TMEM120B: variants seen among roughly 807,000 people sequenced by gnomAD.
TMEM120B encodes transmembrane protein 120B.
Under a neutral mutation model 55.5 loss-of-function variants are expected in TMEM120B, and 31 were observed. The observed-to-expected ratio is 0.56, with a 90% confidence interval of 0.42 to 0.75. The LOEUF (loss-of-function observed/expected upper bound fraction) is 0.75, where lower values mean the gene tolerates loss of function less well. TMEM120B is among the 30% of genes least tolerant of loss of function. The pLI is 0.00. For missense variants in TMEM120B, 399 were observed against 425.5 expected, an observed-to-expected ratio of 0.94 and a Z score of 0.55; for synonymous variants, 203 against 176.3, an observed-to-expected ratio of 1.15 and a Z score of -1.20.
Position 121,780,651 on chromosome 12 carries a change from G to A in TMEM120B, c.*4929G>A, listed in dbSNP as rs1874416594. On this transcript the variant is annotated 3_prime_UTR_variant, in exon 12 of 12. Coordinates refer to ENST00000449592, the MANE Select transcript of TMEM120B (RefSeq NM_001080825.2). ...CCTCAGTTTCTCCCCCTGTAAACTG[G>A]GGGATGTGAACAGCGCCTGCCTCCG... 3 of 591,844 alleles carry A rather than the reference G, an allele frequency of 5.1e-6. No individual in the cohort carries two copies. Among genetic ancestry groups the A allele is most frequent in the Non-Finnish European group, 5.9e-6 (2 of 341,396 alleles). The allele number at this position is 591,844 out of a possible 1,614,324, so 36.7% of individuals were successfully genotyped here. A position where few individuals can be genotyped will look rare whatever the true frequency, so the allele number is the denominator to read the frequency against.
chr12:121,725,556 A>G (rs1409759175), intron 1 of TMEM120B, among the ~76,000 whole-genome samples: 1 of 152,142 alleles, frequency 6.6e-6, no homozygotes, highest in Non-Finnish European at 1.5e-5. Context: ...ATTATTCACG[A>G]TACAGTAACC....
intron 1 of TMEM120B, among the ~76,000 whole-genome samples, chr12:121,724,030 C>CTT (rs56972824): frequency 0.057 from 4,347 of 75,998 alleles, 229 homozygotes; most frequent in Non-Finnish European, 0.071. Flanking sequence ...TCAAGTGATC[C>CTT]TTTTTTTTTT....
At chr12:121,760,167 G>A (rs1873624857) in intron 5 of TMEM120B, among the ~76,000 whole-genome samples, 1 of 150,900 alleles carries the variant, frequency 6.6e-6, no homozygotes, top group Non-Finnish European at 1.5e-5. Flanking sequence ...GCTGGGTGTG[G>A]TGGAGCATGC....
intron 6 of TMEM120B, among the ~76,000 whole-genome samples, chr12:121,769,141 CTCAAAAAAAAAAAAAAAAG>C (rs1873942555): frequency 9.4e-6 from 1 of 106,394 alleles, no homozygotes; most frequent in Non-Finnish European, 1.8e-5. Flanking sequence ...GCAAGACTGT[CTCAAAAAAAAAAAAAAAAG>C]GCAAAAAAAA....
At chr12:121,726,308 A>G (rs1336416583) in intron 1 of TMEM120B, among the ~76,000 whole-genome samples, 3 of 151,744 alleles carry the variant, frequency 2.0e-5, no homozygotes, top group African/African-American at 2.4e-5. Context: ...GGCTGGGCGC[A>G]GTGGCTCACG....
chr12:121,733,552 T>C (rs1160762816), intron 1 of TMEM120B, among the ~76,000 whole-genome samples: 2 of 149,664 alleles, frequency 1.3e-5, no homozygotes, highest in Non-Finnish European at 3.0e-5. Context: ...TATTTTTTTT[T>C]TTTTTGAGAC....
chr12:121,730,934 G>A (rs1204979212), intron 1 of TMEM120B, among the ~76,000 whole-genome samples: 1 of 151,950 alleles, frequency 6.6e-6, no homozygotes, highest in African/African-American at 2.4e-5. Flanking sequence ...CTCCAGTCTG[G>A]GTAACAAGAG....
intron 7 of TMEM120B, 58 bp from the exon 8 acceptor site, chr12:121,771,430 G>T: frequency 6.9e-7 from 1 of 1,446,338 alleles, no homozygotes; most frequent in Non-Finnish European, 9.7e-7. Context: ...TTGGGGCGGG[G>T]AGGAATGTCT....
intron 1 of TMEM120B, among the ~76,000 whole-genome samples, chr12:121,735,851 C>T (rs945896444): frequency 4.6e-5 from 7 of 152,130 alleles, no homozygotes; most frequent in South Asian, 2.1e-4. Flanking sequence ...CCACCACACA[C>T]GGCTAATTTT....
chr12:121,728,588 G>A (rs1894941723), intron 1 of TMEM120B, among the ~76,000 whole-genome samples: 1 of 151,960 alleles, frequency 6.6e-6, no homozygotes, highest in Non-Finnish European at 1.5e-5. Context: ...CCAAAGTGCT[G>A]GGATTACAGG....
rs145137511 is a variant in TMEM120B at position 121,781,100 on chromosome 12, C to T, written c.*5378C>T. The T allele has an allele frequency of 1.6e-4, 262 of 1,614,074 alleles. No individual in the cohort carries two copies. The highest frequency in any genetic ancestry group is 2.0e-4 in the Non-Finnish European group (241 of 1,180,022). ...GGCCTCACCTTGATGAGGACGTTGT[C>T]GTAGCTGGTGGGATTCATGACGTCA... On this transcript the variant is annotated 3_prime_UTR_variant, in exon 12 of 12. Transcript: ENST00000449592.
At position 121,712,833 on chromosome 12, in the gene TMEM120B, G is replaced by GGGGGCCGGTCGGGCAGCGCTGC. The variant is rs1342316842; in HGVS notation, c.-59_-38dup. The GGGGGCCGGTCGGGCAGCGCTGC allele has an allele frequency of 8.7e-6, 11 of 1,268,918 alleles. No homozygotes were observed. The African/African-American group carries it at 1.7e-4, about 20-fold the overall frequency. 78.6% of individuals were successfully genotyped at this position (1,268,918 alleles called of 1,614,324 possible). A position where few individuals can be genotyped will look rare whatever the true frequency, so the allele number is the denominator to read the frequency against. On this transcript the variant is annotated 5_prime_UTR_variant, in exon 1 of 12. Coordinates refer to ENST00000449592, the MANE Select transcript of TMEM120B (RefSeq NM_001080825.2). The stretch of plus-strand genomic sequence containing the variant: ...GCGAGCGCGCGGGCGTGGGGCGCTG[G>GGGGGCCGGTCGGGCAGCGCTGC]GGGGCCGGTCGGGCAGCGCTGCGGG...
chr12:121,757,232 G>A lies in TMEM120B; in HGVS notation c.462-4417G>A, dbSNP rs182175325. On this transcript the variant is annotated intron_variant, in intron 5 of 11. Transcript: ENST00000449592. ...GCTGGAGTACAGTGGTGTGATCTCA[G>A]CTCACTGCAACCTCTGTCTCCTGGG... Among the ~76,000 whole-genome samples, 12 of 152,046 alleles carry A rather than the reference G, an allele frequency of 7.9e-5. No homozygotes were observed. The East Asian group carries it at 2.1e-3, about 27-fold the overall frequency.
At chr12:121,724,697 GCCT>G (rs1894859251) in intron 1 of TMEM120B, among the ~76,000 whole-genome samples, 1 of 150,564 alleles carries the variant, frequency 6.6e-6, no homozygotes, top group African/African-American at 2.4e-5. Flanking sequence ...TGCAAGCTCT[GCCT>G]CCCAGGTTCA....
intron 1 of TMEM120B, among the ~76,000 whole-genome samples, chr12:121,718,019 G>C (rs1459231764): frequency 3.3e-5 from 5 of 152,186 alleles, no homozygotes; most frequent in Non-Finnish European, 5.9e-5. Flanking sequence ...CAGTATTCTT[G>C]AGTTCAGGTC....
chr12:121,740,941 A>G (rs1219002243), intron 1 of TMEM120B, among the ~76,000 whole-genome samples: 1 of 152,090 alleles, frequency 6.6e-6, no homozygotes, highest in East Asian at 1.9e-4. Context: ...TGTCACAACT[A>G]CTTGTTTTGC....
chr12:121,781,667 C>A lies in TMEM120B; in HGVS notation c.*5945C>A, dbSNP rs1044665039. The A allele has an allele frequency of 6.2e-6, 1 of 160,516 alleles. No individual in the cohort carries two copies. The highest frequency in any genetic ancestry group is 2.4e-5 in the African/African-American group (1 of 41,586). The allele number at this position is 160,516 out of a possible 1,614,324, so 9.9% of individuals were successfully genotyped here. A position where few individuals can be genotyped will look rare whatever the true frequency, so the allele number is the denominator to read the frequency against. On this transcript the variant is annotated 3_prime_UTR_variant, in exon 12 of 12. Coordinates refer to ENST00000449592, the MANE Select transcript of TMEM120B (RefSeq NM_001080825.2). ...GGGCAGAGTGCAGACTGGAACCCTC[C>A]CCTCCCCAAAGATTCAGACCTGTGG...
At chr12:121,769,691 A>G (rs1873968499) in intron 6 of TMEM120B, among the ~76,000 whole-genome samples, 1 of 150,366 alleles carries the variant, frequency 6.7e-6, no homozygotes, top group Non-Finnish European at 1.5e-5. Flanking sequence ...TGACAGAGTG[A>G]GACCCTGCCT....
At chr12:121,761,841 C>A in intron 6 of TMEM120B, 103 bp downstream of exon 6, 1 of 864,274 alleles carries the variant, frequency 1.2e-6, no homozygotes, top group South Asian at 1.5e-5. Flanking sequence ...CATTCCTCTC[C>A]TCCTTGGGGG....
Sources: gnomAD v4.1 joint callset for allele counts (sites outside exome capture counted in the v4.1 genomes callset) on GRCh38, gnomAD v4.1.1 for gene constraint, MANE v1.5 for transcripts, NCBI Gene and HGNC (gene_info 2026-07-23, HGNC 2026-07-21) for gene names.